Variants in NFASC observed in about 807,000 individuals in gnomAD.
NFASC encodes the protein neurofascin homolog.
In NFASC, 43 loss-of-function variants were observed where a neutral mutation model predicts 147.5. The ratio of observed to expected loss-of-function variants is 0.29; its 90% confidence interval spans 0.23 to 0.38. The LOEUF (loss-of-function observed/expected upper bound fraction) is 0.38. Ranked by LOEUF, NFASC falls within the 10% of genes least tolerant of loss-of-function variation. NFASC has a pLI of 1.00. For synonymous variants in NFASC, 622 were observed against 665.5 expected, an observed-to-expected ratio of 0.93 and a Z score of 1.01; for missense variants, 1,320 against 1,689.0, an observed-to-expected ratio of 0.78 and a Z score of 3.83.
chr1:204,847,924 C>T (rs1373198570), intron 1 of NFASC, among the ~76,000 whole-genome samples: 1 of 152,172 alleles, frequency 6.6e-6, no homozygotes, highest in African/African-American at 2.4e-5. Context: ...ACATTAGTCA[C>T]AGTTAATGGT....
chr1:205,002,628 G>T lies in NFASC; in HGVS notation c.3169G>T (p.Ala1057Ser). Residue 1057 changes from alanine (A) to serine (S), a missense_variant, in exon 27 of 30, where the codon GCC becomes TCC. Transcript: ENST00000339876. The part of the protein sequence containing the change: ...NHTKKTVPVK[A>S]QAQPIQLTDL... ...TACGAAAAAAACTGTCCCAGTTAAG[G>T]CCCAGGCTCAGCCTATACAGCTGAC... 1 of 1,550,924 alleles carries T rather than the reference G, an allele frequency of 6.4e-7. No homozygotes were observed. Among genetic ancestry groups the T allele is most frequent in the Non-Finnish European group, 8.8e-7 (1 of 1,135,198 alleles).
chr1:204,831,167 A>T (rs569410792), intron 1 of NFASC, among the ~76,000 whole-genome samples: 4 of 151,780 alleles, frequency 2.6e-5, no homozygotes, highest in African/African-American at 9.7e-5. Flanking sequence ...GAAGTGGGGG[A>T]TTCTAATAAC....
At chr1:204,862,358 G>A (rs948764676) in intron 1 of NFASC, among the ~76,000 whole-genome samples, 4 of 152,338 alleles carry the variant, frequency 2.6e-5, no homozygotes, top group South Asian at 2.1e-4. Context: ...GCACTGGTGG[G>A]TGCATTGTTG....
chr1:204,920,052 T>TA (rs2090132815), intron 1 of NFASC, among the ~76,000 whole-genome samples: 1 of 152,250 alleles, frequency 6.6e-6, no homozygotes, highest in African/African-American at 2.4e-5. Context: ...CTATCATGCC[T>TA]TCTCCCCATG....
At position 204,987,092 on chromosome 1, in the gene NFASC, C is replaced by T; in HGVS notation, c.2471-326C>T. 1 of 359,572 alleles carries T rather than the reference C, an allele frequency of 2.8e-6. No individual in the cohort carries two copies. Among genetic ancestry groups the T allele is most frequent in the South Asian group, 3.7e-5 (1 of 27,260 alleles). 22.3% of individuals were successfully genotyped at this position (359,572 alleles called of 1,614,324 possible). ...GGTTCTCTACCTAGGAATGGCTCTGCCCAATTTCGAGGTATCTTTGCAGAA... is the reference window on the plus strand; with the variant it reads ...GGTTCTCTACCTAGGAATGGCTCTGTCCAATTTCGAGGTATCTTTGCAGAA... On this transcript the variant is annotated intron_variant, in intron 21 of 29. Transcript: ENST00000339876. This position sits in a 1 kb window ranked among gnomAD's most constrained non-coding sequence, Gnocchi z 4.4.
chr1:204,967,485 T>C (rs1439751528), intron 8 of NFASC, among the ~76,000 whole-genome samples: 4 of 152,274 alleles, frequency 2.6e-5, no homozygotes, highest in South Asian at 2.1e-4. Flanking sequence ...ATGAATCTCA[T>C]TGATTTCAGA....
chr1:204,950,695 C>A, intron 4 of NFASC, 121 bp downstream of exon 4: 1 of 877,988 alleles, frequency 1.1e-6, no homozygotes, highest in Non-Finnish European at 1.9e-6. Flanking sequence ...CATACCAGAG[C>A]CCTGTAGTGA....
At chr1:204,859,807 G>A (rs1222137076) in intron 1 of NFASC, among the ~76,000 whole-genome samples, 1 of 152,318 alleles carries the variant, frequency 6.6e-6, no homozygotes, top group African/African-American at 2.4e-5. Flanking sequence ...GCTGCTAAGG[G>A]TCTTGTCTTT....
Position 204,851,580 on chromosome 1 carries a change from A to AC in NFASC, c.-200+22800dup, listed in dbSNP as rs534390712. On this transcript the variant is annotated intron_variant, in intron 1 of 29. Coordinates refer to ENST00000339876, the MANE Select transcript of NFASC (RefSeq NM_001005388.3). ...ACTCCTGACCTCAAGTGATCGGCCCACCTCAGCCTCCCAAAGCGCTGGAAT... is the reference window on the plus strand; with the variant it reads ...ACTCCTGACCTCAAGTGATCGGCCCACCCTCAGCCTCCCAAAGCGCTGGAAT... 4.3e-3 allele frequency among the ~76,000 whole-genome samples: 659 copies of AC among 151,994 alleles called. 6 individuals are homozygous for AC. The highest frequency in any genetic ancestry group is 0.015 in the African/African-American group (631 of 41,480).
chr1:204,865,016 G>C (rs772654423), intron 1 of NFASC, among the ~76,000 whole-genome samples: 14 of 152,108 alleles, frequency 9.2e-5, no homozygotes, highest in Non-Finnish European at 1.9e-4. Context: ...ACAAACCCAA[G>C]GTTATGAAGT....
chr1:204,830,592 A>ATG (rs1033952208), intron 1 of NFASC, among the ~76,000 whole-genome samples: 1 of 143,992 alleles, frequency 6.9e-6, no homozygotes, highest in Non-Finnish European at 1.5e-5. Context: ...GTGTGTTGTG[A>ATG]TGTGTGTGTG....
chr1:205,022,452 G>A lies in NFASC; in HGVS notation c.*5913G>A, dbSNP rs2096406861. On this transcript the variant is annotated 3_prime_UTR_variant, in exon 30 of 30. Coordinates refer to ENST00000339876, the MANE Select transcript of NFASC (RefSeq NM_001005388.3). ...TTCCCGTGGGGAATTTTTTTTCCCA[G>A]CGTCTCCATCCCTTCCTACATATCC... The A allele has an allele frequency of 6.7e-6, 1 of 150,012 alleles. No homozygotes were observed. Among genetic ancestry groups the A allele is most frequent in the African/African-American group, 2.5e-5 (1 of 40,438 alleles). The allele number at this position is 150,012 out of a possible 1,614,324, so 9.3% of individuals were successfully genotyped here. A position where few individuals can be genotyped will look rare whatever the true frequency, so the allele number is the denominator to read the frequency against.
chr1:204,870,042 C>T (rs1022250272), intron 1 of NFASC, among the ~76,000 whole-genome samples: 9 of 152,204 alleles, frequency 5.9e-5, no homozygotes, highest in Admixed American at 2.6e-4. Flanking sequence ...TATCAGGGGA[C>T]GCCTCCTCCA....
intron 1 of NFASC, among the ~76,000 whole-genome samples, chr1:204,892,284 A>G (rs965203520): frequency 5.9e-5 from 9 of 152,228 alleles, no homozygotes; most frequent in African/African-American, 2.2e-4. Flanking sequence ...CAAATGTAGC[A>G]ACACTGTCTG....
rs760885949 is a variant in NFASC, at chr1:204,954,270, G to A, written c.298G>A (p.Val100Met). The A allele has an allele frequency of 6.2e-7, 1 of 1,614,250 alleles. No individual in the cohort carries two copies. The highest frequency in any genetic ancestry group is 1.1e-5 in the South Asian group (1 of 91,084). The change falls in exon 6 of 30, where the codon GTG (valine) becomes ATG (methionine). Residue 100 changes from valine to methionine, a missense_variant. This residue lies in a region of NFASC where 981 missense variants were observed against 1,289.5 expected (regional missense o/e 0.76). Coordinates refer to ENST00000339876, the MANE Select transcript of NFASC (RefSeq NM_001005388.3). This position sits in a 1 kb window ranked among gnomAD's most constrained non-coding sequence, Gnocchi z 5.7. ...VSMRRRSGTL[V>M]IDFRSGGRPE... ...CATGAGGAGGAGGTCTGGGACCCTG[G>A]TGATTGACTTCCGCAGTGGCGGGCG...
intron 3 of NFASC, chr1:204,946,265 A>G (rs2595960): frequency 0.78 from 379,228 of 489,254 alleles, 150,403 homozygotes; most frequent in Non-Finnish European, 0.85. Context: ...ATGCACCAGG[A>G]AGTGAGCTAA....
chr1:204,969,633 A>T (rs2095142611), intron 10 of NFASC, among the ~76,000 whole-genome samples: 1 of 152,192 alleles, frequency 6.6e-6, no homozygotes, highest in Non-Finnish European at 1.5e-5. Context: ...CTTCAGCACC[A>T]TACACAAACT....
intron 16 of NFASC, chr1:204,977,223 A>G (rs2095425350): frequency 1.6e-6 from 1 of 621,862 alleles, no homozygotes; most frequent in African/African-American, 1.9e-5. Flanking sequence ...GGGTTTTGGT[A>G]GCGTTTCATC....
rs1199125924 is a variant in NFASC, at chr1:204,997,137, AC to A, written c.2783-31del. ...GTCCAGGCTGGGCACAGCCAAACCA[AC>A]CAGACTCGGCTGTTTTACATTTCCC... On this transcript the variant is annotated intron_variant, in intron 24 of 29. Coordinates refer to ENST00000339876, the MANE Select transcript of NFASC (RefSeq NM_001005388.3). 4 of 1,587,734 alleles carry A rather than the reference AC, an allele frequency of 2.5e-6. No individual in the cohort carries two copies. The Admixed American group carries it at 6.8e-5, about 27-fold the overall frequency.
Sources: gnomAD v4.1 joint callset for allele counts (sites outside exome capture counted in the v4.1 genomes callset) on GRCh38, gnomAD v4.1.1 for gene constraint, gnomAD v4.1.1 regional missense constraint, Gnocchi (gnomAD v3.1) non-coding constraint, MANE v1.5 for transcripts, NCBI Gene and HGNC (gene_info 2026-07-23, HGNC 2026-07-21) for gene names.